Variants in PTPRN2 observed in about 807,000 individuals in gnomAD.
The protein encoded by PTPRN2 is receptor-type tyrosine-protein phosphatase N2.
PTPRN2 carries 74 observed loss-of-function variants against 118.8 expected under a neutral mutation model. That is an observed-to-expected ratio of 0.62 (90% CI 0.52 to 0.76). PTPRN2 has a LOEUF of 0.76. Among genes scored for constraint, PTPRN2 ranks in the 30% least tolerant of loss-of-function variants. PTPRN2 has a pLI of 0.00. For missense variants in PTPRN2, 1,481 were observed against 1,394.4 expected (o/e 1.06, Z -0.99); for synonymous variants, 641 against 608.0 (o/e 1.05, Z -0.80).
rs113863070 is a variant in PTPRN2, at chr7:157,583,430, C to A, written c.2497-5290G>T. Among the ~76,000 whole-genome samples, 41 of 152,186 alleles carry A rather than the reference C, an allele frequency of 2.7e-4. No individual in the cohort carries two copies. Among genetic ancestry groups the A allele is most frequent in the African/African-American group, 9.6e-4 (40 of 41,524 alleles). The stretch of plus-strand genomic sequence containing the variant: ...GACTGTAGTTAATAAGAGTGTTGGG[C>A]ACAGAGATTTGCCAGGAGAGTAGGC... On this transcript the variant is annotated intron_variant, in intron 17 of 22. Transcript: ENST00000389418. This position sits in a 1 kb window ranked among gnomAD's most constrained non-coding sequence, Gnocchi z 5.5.
chr7:158,538,885 G>A (rs1018415281), intron 1 of PTPRN2, among the ~76,000 whole-genome samples: 8 of 152,044 alleles, frequency 5.3e-5, no homozygotes, highest in Admixed American at 2.6e-4. Context: ...ACGAAGACAC[G>A]ACCCACCCAA....
intron 18 of PTPRN2, 135 bp downstream of exon 18, chr7:157,577,886 C>T: frequency 5.7e-6 from 7 of 1,218,826 alleles, no homozygotes; most frequent in East Asian, 2.6e-5. Flanking sequence ...CAGCCTCCAT[C>T]CCCTGAACAT....
chr7:158,323,334 A>G (rs1803193097), intron 2 of PTPRN2, among the ~76,000 whole-genome samples: 6 of 152,106 alleles, frequency 3.9e-5, no homozygotes, highest in Admixed American at 3.9e-4. Flanking sequence ...TCAGTGAACC[A>G]GGGGGCCCCA....
intron 12 of PTPRN2, among the ~76,000 whole-genome samples, chr7:157,699,856 G>A (rs1460943667): frequency 6.6e-6 from 1 of 152,218 alleles, no homozygotes; most frequent in African/African-American, 2.4e-5. Flanking sequence ...GCATGGAGCC[G>A]CCGCATGTCC....
At chr7:158,482,710 C>T (rs947150666) in intron 2 of PTPRN2, among the ~76,000 whole-genome samples, 1 of 152,158 alleles carries the variant, frequency 6.6e-6, no homozygotes, top group African/African-American at 2.4e-5. Flanking sequence ...ACAATATCTC[C>T]GAGGTCTGCC....
chr7:158,481,837 A>G (rs1820666780), intron 2 of PTPRN2, among the ~76,000 whole-genome samples: 1 of 152,198 alleles, frequency 6.6e-6, no homozygotes. Context: ...TGATCTGGGT[A>G]AAGTAAATTG....
intron 11 of PTPRN2, among the ~76,000 whole-genome samples, chr7:157,950,598 C>T (rs953302263): frequency 3.3e-5 from 5 of 152,200 alleles, no homozygotes; most frequent in South Asian, 2.1e-4. Flanking sequence ...ATTTCTCTGA[C>T]GTCTCTAGAT....
Position 158,587,584 on chromosome 7 carries a change from C to A in PTPRN2, c.86G>T (p.Arg29Leu). 1.5e-6 allele frequency: 2 copies of A among 1,337,250 alleles called. No individual in the cohort carries two copies. The highest frequency in any genetic ancestry group is 9.5e-7 in the Non-Finnish European group (1 of 1,049,304). The allele number at this position is 1,337,250 out of a possible 1,614,324, so 82.8% of individuals were successfully genotyped here. The stretch of plus-strand genomic sequence containing the variant: ...CAGACGCCCCGGGAGCTGCCGGCCG[C>A]GGGGGACGGACGAAGGGGCGGCAGG... ...VLPAAPSSVP[R>L]GRQLPGRLGC... Residue 29 changes from arginine to leucine, a missense_variant, in exon 1 of 23, where the codon CGC (arginine) becomes CTC (leucine). Around this residue, in one of 3 missense-constraint regions of PTPRN2, gnomAD observed 1,115 missense variants for 994.2 expected, o/e 1.12. Transcript: ENST00000389418.
chr7:158,508,731 C>T (rs1214066935), intron 1 of PTPRN2, among the ~76,000 whole-genome samples: 2 of 15,850 alleles, frequency 1.3e-4, no homozygotes, highest in African/African-American at 6.1e-4. Flanking sequence ...CAACGTGGGA[C>T]GCTCGGAGCA....
intron 9 of PTPRN2, among the ~76,000 whole-genome samples, chr7:158,125,513 C>T (rs563059650): frequency 9.5e-4 from 144 of 152,292 alleles, no homozygotes; most frequent in East Asian, 5.6e-3. Context: ...CACTCCTTCT[C>T]GCCTTCTTCT....
At chr7:158,168,992 C>A (rs1296351655) in intron 5 of PTPRN2, among the ~76,000 whole-genome samples, 1 of 152,174 alleles carries the variant, frequency 6.6e-6, no homozygotes, top group Non-Finnish European at 1.5e-5. Flanking sequence ...TGTGTGGACA[C>A]CCCAGTTTAA....
intron 3 of PTPRN2, among the ~76,000 whole-genome samples, chr7:158,230,024 G>A (rs1475371671): frequency 1.3e-5 from 2 of 152,154 alleles, no homozygotes; most frequent in African/African-American, 4.8e-5. Flanking sequence ...ATTTAAAGCA[G>A]CTCTCATTTG....
At chr7:157,701,341 C>T (rs928224302) in intron 12 of PTPRN2, among the ~76,000 whole-genome samples, 4 of 152,176 alleles carry the variant, frequency 2.6e-5, no homozygotes, top group Non-Finnish European at 5.9e-5. Flanking sequence ...CGCGGGTCTC[C>T]GCCAGAGCCT....
chr7:157,769,296 A>T (rs1585416602), intron 12 of PTPRN2, among the ~76,000 whole-genome samples: 2 of 152,174 alleles, frequency 1.3e-5, no homozygotes, highest in East Asian at 3.9e-4. Flanking sequence ...CTGATTTCAC[A>T]GTTTAATTAC....
chr7:157,845,542 C>G lies in PTPRN2; in HGVS notation c.1788+53131G>C, dbSNP rs1043780984. On this transcript the variant is annotated intron_variant, in intron 12 of 22. Coordinates refer to ENST00000389418, the MANE Select transcript of PTPRN2 (RefSeq NM_002847.5). The surrounding 1 kb of genome is among the most constrained non-coding windows in gnomAD (Gnocchi z 4.5). ...TGTTCCCGGCCACATCCCGGTGAAC[C>G]ATGCAGCCTAACTCACCACGTTCCC... Among the ~76,000 whole-genome samples the G allele has an allele frequency of 6.6e-6, 1 of 152,172 alleles. No homozygotes were observed. The highest frequency in any genetic ancestry group is 1.5e-5 in the Non-Finnish European group (1 of 68,032).
At chr7:158,296,555 GACGGCGAAACTAAAAAAGC>G (rs1161345289) in intron 3 of PTPRN2, among the ~76,000 whole-genome samples, 2 of 152,206 alleles carry the variant, frequency 1.3e-5, no homozygotes, top group African/African-American at 4.8e-5. Flanking sequence ...GCCGCCCACA[GACGGCGAAACTAAAAAAGC>G]ACCCTGTAAC....
chr7:158,443,584 A>T (rs1817515681), intron 2 of PTPRN2, among the ~76,000 whole-genome samples: 1 of 151,504 alleles, frequency 6.6e-6, no homozygotes, highest in Non-Finnish European at 1.5e-5. Context: ...GACTCCTCCC[A>T]ACAGGGGGAG....
At chr7:157,946,590 T>C (rs1800504417) in intron 11 of PTPRN2, among the ~76,000 whole-genome samples, 1 of 152,240 alleles carries the variant, frequency 6.6e-6, no homozygotes. Flanking sequence ...CTCCACCGGC[T>C]GCCTGGGCCA....
intron 11 of PTPRN2, among the ~76,000 whole-genome samples, chr7:158,056,611 A>T (rs996516950): frequency 6.6e-6 from 1 of 152,214 alleles, no homozygotes; most frequent in Non-Finnish European, 1.5e-5. Flanking sequence ...CCCGTTCTCC[A>T]CAAAGCTCGG....
Sources: allele counts gnomAD v4.1 joint callset (sites outside exome capture counted in the v4.1 genomes callset), GRCh38; gene constraint gnomAD v4.1.1; regional missense constraint gnomAD v4.1.1; non-coding constraint Gnocchi (gnomAD v3.1); transcripts MANE v1.5; gene names NCBI Gene and HGNC (gene_info 2026-07-23, HGNC 2026-07-21).